Variants in TCF12 observed in about 807,000 individuals in gnomAD.
TCF12 encodes transcription factor 12.
Under a neutral mutation model 86.0 loss-of-function variants are expected in TCF12, and 45 were observed. The ratio of observed to expected loss-of-function variants is 0.52; its 90% CI spans 0.41 to 0.67. TCF12 has a LOEUF of 0.67. Among genes scored for constraint, TCF12 ranks in the 30% least tolerant of loss-of-function variants. The pLI is 0.00. For missense variants in TCF12, 881 were observed against 859.9 expected (o/e 1.02, Z -0.31); for synonymous variants, 330 against 299.6 (o/e 1.10, Z -1.05).
intron 5 of TCF12, among the ~76,000 whole-genome samples, chr15:57,157,060 T>C (rs1158449468): frequency 6.6e-6 from 1 of 152,208 alleles, no homozygotes; most frequent in Admixed American, 6.5e-5. Flanking sequence ...TTCCCCCAAA[T>C]TATTTGGTGA....
intron 13 of TCF12, among the ~76,000 whole-genome samples, chr15:57,250,228 C>T (rs1471823388): frequency 6.6e-6 from 1 of 152,166 alleles, no homozygotes; most frequent in Non-Finnish European, 1.5e-5. Flanking sequence ...GCTAAAGGCA[C>T]TGTCAGTTAC....
chr15:56,947,650 G>A (rs2061068578), intron 3 of TCF12, among the ~76,000 whole-genome samples: 1 of 152,090 alleles, frequency 6.6e-6, no homozygotes, highest in Non-Finnish European at 1.5e-5. Flanking sequence ...TTTTTTAATT[G>A]TTTGCAGTAG....
intron 3 of TCF12, among the ~76,000 whole-genome samples, chr15:56,952,048 G>T (rs573076786): frequency 1.8e-4 from 27 of 151,834 alleles, no homozygotes; most frequent in African/African-American, 3.6e-4. Flanking sequence ...AAGTTTTTTT[G>T]TGTGTGTGTG....
At chr15:57,027,331 AAAC>A (rs2065882140) in intron 3 of TCF12, among the ~76,000 whole-genome samples, 2 of 152,198 alleles carry the variant, frequency 1.3e-5, no homozygotes, top group African/African-American at 4.8e-5. Flanking sequence ...TGTACAGGAT[AAAC>A]TCTTGTATCT....
intron 6 of TCF12, among the ~76,000 whole-genome samples, chr15:57,176,044 A>C (rs1206989161): frequency 6.6e-6 from 1 of 152,180 alleles, no homozygotes; most frequent in South Asian, 2.1e-4. Context: ...CTGAAATAAA[A>C]GACCTTAAAA....
intron 5 of TCF12, among the ~76,000 whole-genome samples, chr15:57,125,435 A>G (rs755828711): frequency 6.6e-6 from 1 of 152,240 alleles, no homozygotes; most frequent in Non-Finnish European, 1.5e-5. Flanking sequence ...CAAATGAAGC[A>G]ATTACTATTT....
At chr15:57,163,502 C>G (rs1277124193) in intron 5 of TCF12, among the ~76,000 whole-genome samples, 1 of 152,106 alleles carries the variant, frequency 6.6e-6, no homozygotes, top group Non-Finnish European at 1.5e-5. Flanking sequence ...GAGTTTGAGA[C>G]CAGCCTAGGC....
intron 3 of TCF12, among the ~76,000 whole-genome samples, chr15:57,000,925 C>T (rs1234538162): frequency 2.0e-5 from 3 of 151,542 alleles, no homozygotes; most frequent in East Asian, 3.9e-4. Flanking sequence ...TATGACTCTA[C>T]AGCCATTTTT....
At chr15:56,996,743 A>G (rs1442624572) in intron 3 of TCF12, among the ~76,000 whole-genome samples, 5 of 152,198 alleles carry the variant, frequency 3.3e-5, no homozygotes, top group Non-Finnish European at 5.9e-5. Flanking sequence ...TGCATCCAAC[A>G]AGGTCTAATG....
chr15:57,164,242 T>C (rs1251105661), intron 5 of TCF12, among the ~76,000 whole-genome samples: 1 of 152,200 alleles, frequency 6.6e-6, no homozygotes, highest in Non-Finnish European at 1.5e-5. Flanking sequence ...ATACTATTAC[T>C]GATACTTGGC....
rs951983494 is a variant in TCF12, at chr15:57,282,671, G to A, written c.*11+73G>A. Reference sequence around the variant, plus strand: ...CATCTTAAACTGGGTTAGAATCTTTGAACAGAATTCTCTAGTGAGCAGTGG... The same window carrying A: ...CATCTTAAACTGGGTTAGAATCTTTAAACAGAATTCTCTAGTGAGCAGTGG... On this transcript the variant is annotated intron_variant, in intron 20 of 20. Coordinates refer to ENST00000333725, the MANE Select transcript of TCF12 (RefSeq NM_207037.2). 2.0e-6 allele frequency: 3 copies of A among 1,529,832 alleles called. No homozygotes were observed. The East Asian group carries it at 6.8e-5, about 35-fold the overall frequency. The allele number at this position is 1,529,832 out of a possible 1,614,324, so 94.8% of individuals were successfully genotyped here.
chr15:57,077,396 G>A (rs1469910582), intron 4 of TCF12, among the ~76,000 whole-genome samples: 1 of 101,994 alleles, frequency 9.8e-6, no homozygotes, highest in African/African-American at 5.4e-5. Context: ...TTTTTTTTTG[G>A]CAAGGCTTTG....
intron 13 of TCF12, chr15:57,248,051 C>T: frequency 2.8e-6 from 2 of 703,460 alleles, no homozygotes; most frequent in Non-Finnish European, 5.2e-6. Context: ...ATTTTGAGAC[C>T]AGACAACTGG....
intron 3 of TCF12, among the ~76,000 whole-genome samples, chr15:56,923,632 T>C (rs375962894): frequency 1.5e-4 from 23 of 152,152 alleles, no homozygotes; most frequent in East Asian, 1.2e-3. Context: ...GTTAAAAGGA[T>C]TGACAAAATG....
chr15:57,193,410 A>G (rs1266167311), intron 7 of TCF12, among the ~76,000 whole-genome samples: 1 of 152,104 alleles, frequency 6.6e-6, no homozygotes, highest in Non-Finnish European at 1.5e-5. Flanking sequence ...AAACCTCATT[A>G]TTTTTTCATT....
chr15:57,232,379 C>A lies in TCF12; in HGVS notation c.774C>A (p.Ser258=), dbSNP rs781436275. The change falls in exon 10 of 21, where the codon TCC becomes TCA. Residue 258 remains serine (S), a synonymous_variant. Coordinates refer to ENST00000333725, the MANE Select transcript of TCF12 (RefSeq NM_207037.2). The part of the protein sequence containing the change: ...GFGGILGTST[S]HMSQSSSYGN... ...GTGGAATTCTGGGGACCTCCACTTC[C>A]CACATGTCTCAATCCAGTAGTTATG... 2 of 1,613,304 alleles carry A rather than the reference C, an allele frequency of 1.2e-6. No homozygotes were observed. Among genetic ancestry groups the A allele is most frequent in the South Asian group, 2.2e-5 (2 of 90,892 alleles).
intron 18 of TCF12, among the ~76,000 whole-genome samples, chr15:57,268,830 CTTCT>C (rs1239403310): frequency 3.2e-5 from 1 of 30,792 alleles, no homozygotes; most frequent in African/African-American, 5.8e-5. Context: ...CCACTGTTTA[CTTCT>C]TTTTTTTTTT....
intron 12 of TCF12, among the ~76,000 whole-genome samples, chr15:57,235,433 A>G (rs1481889254): frequency 3.9e-5 from 6 of 152,296 alleles, no homozygotes; most frequent in South Asian, 2.1e-4. Flanking sequence ...GCCCATATAT[A>G]TTAGAACCCT....
At chr15:57,007,969 C>G (rs1229523053) in intron 3 of TCF12, among the ~76,000 whole-genome samples, 2 of 147,590 alleles carry the variant, frequency 1.4e-5, no homozygotes, top group Non-Finnish European at 3.0e-5. Context: ...CTGTCTCTCT[C>G]TCTCTCTCGC....
Sources: gnomAD v4.1 joint callset for allele counts (sites outside exome capture counted in the v4.1 genomes callset) on GRCh38, gnomAD v4.1.1 for gene constraint, MANE v1.5 for transcripts, NCBI Gene and HGNC (gene_info 2026-07-23, HGNC 2026-07-21) for gene names.